EYS: variants seen among roughly 807,000 people sequenced by gnomAD.
The protein encoded by EYS is protein eyes shut homolog.
Under a neutral mutation model 282.1 loss-of-function variants are expected in EYS, and 250 were observed. The ratio of observed to expected loss-of-function variants is 0.89; its 90% confidence interval spans 0.80 to 0.98. The LOEUF (loss-of-function observed/expected upper bound fraction) is 0.98, where lower values mean the gene tolerates loss of function less well. Among genes scored for constraint, EYS ranks in the 50% least tolerant of loss-of-function variants. The pLI, the probability that EYS is intolerant of heterozygous loss-of-function variation, is 0.00. For synonymous variants in EYS, 1,355 were observed against 1,282.9 expected, an observed-to-expected ratio of 1.06 and a Z score of -1.20; for missense variants, 4,016 against 3,709.0, an observed-to-expected ratio of 1.08 and a Z score of -2.15.
chr6:63,832,126 A>T (rs1771657968), intron 36 of EYS, among the ~76,000 whole-genome samples: 1 of 152,228 alleles, frequency 6.6e-6, no homozygotes, highest in South Asian at 2.1e-4. Flanking sequence ...AAAGATCTAA[A>T]ATTGACACCC....
At chr6:64,741,763 T>G (rs1772378981) in intron 22 of EYS, among the ~76,000 whole-genome samples, 1 of 152,222 alleles carries the variant, frequency 6.6e-6, no homozygotes, top group African/African-American at 2.4e-5. Context: ...CTTCAGATTT[T>G]TCTTCTGCAG....
In EYS at chr6:63,820,707, A is replaced by G. The variant is rs959288216; in HGVS notation, c.7229-14335T>C. Among the ~76,000 whole-genome samples, 4 of 152,298 alleles carry G rather than the reference A, an allele frequency of 2.6e-5. No homozygotes were observed. In the South Asian group the frequency reaches 6.2e-4, roughly 24 times the overall value. ...TCTATTAATTAAAACCTTATCTCAC[A>G]ACTGAATAAAACAGCAATTTTGTCA... On this transcript the variant is annotated intron_variant, in intron 36 of 42. Coordinates refer to ENST00000503581, the MANE Select transcript of EYS (RefSeq NM_001142800.2).
intron 15 of EYS, among the ~76,000 whole-genome samples, chr6:64,918,644 G>A (rs1768237662): frequency 6.6e-6 from 1 of 152,130 alleles, no homozygotes; most frequent in South Asian, 2.1e-4. Flanking sequence ...TTCTGATGTA[G>A]GACAGAGAAG....
At chr6:64,008,044 C>CT (rs2149809314) in intron 33 of EYS, among the ~76,000 whole-genome samples, 1 of 152,174 alleles carries the variant, frequency 6.6e-6, no homozygotes, top group African/African-American at 2.4e-5. Context: ...CAGTTTTCTG[C>CT]TTCAGTGATC....
At chr6:65,214,216 G>C (rs1422287056) in intron 12 of EYS, among the ~76,000 whole-genome samples, 1 of 115,752 alleles carries the variant, frequency 8.6e-6, no homozygotes, top group Admixed American at 9.1e-5. Flanking sequence ...GGCTGAAAAA[G>C]TTAGGCCTCT....
intron 32 of EYS, among the ~76,000 whole-genome samples, chr6:64,075,189 C>T (rs184269285): frequency 5.3e-5 from 8 of 152,080 alleles, no homozygotes; most frequent in African/African-American, 1.9e-4. Flanking sequence ...CCAGTAGCAA[C>T]CTCAGCAGCA....
chr6:65,685,342 A>G (rs1014252088), intron 1 of EYS, among the ~76,000 whole-genome samples: 2 of 152,080 alleles, frequency 1.3e-5, no homozygotes, highest in African/African-American at 2.4e-5. Context: ...TCAAGAATCA[A>G]GTCTGTGCTG....
At chr6:64,801,780 A>G (rs931974848) in intron 22 of EYS, among the ~76,000 whole-genome samples, 1 of 152,152 alleles carries the variant, frequency 6.6e-6, no homozygotes, top group African/African-American at 2.4e-5. Context: ...CCTATGACAT[A>G]AATTGGCAAG....
intron 36 of EYS, chr6:63,821,284 C>A (rs1213974326): frequency 1.3e-5 from 2 of 151,456 alleles, no homozygotes; most frequent in African/African-American, 4.9e-5. Flanking sequence ...GAAGTTCTAG[C>A]TGAAGCACAA....
intron 14 of EYS, among the ~76,000 whole-genome samples, chr6:64,969,307 G>A (rs1225889669): frequency 6.6e-6 from 1 of 152,090 alleles, no homozygotes; most frequent in Non-Finnish European, 1.5e-5. Flanking sequence ...TACTAGCTGG[G>A]GACTGGATCA....
chr6:65,625,647 C>T (rs1320384909), intron 2 of EYS, among the ~76,000 whole-genome samples: 1 of 152,072 alleles, frequency 6.6e-6, no homozygotes, highest in Non-Finnish European at 1.5e-5. Flanking sequence ...TTTATGTTTA[C>T]TGAATAAATG....
intron 41 of EYS, among the ~76,000 whole-genome samples, chr6:63,747,393 G>A (rs1012784707): frequency 1.3e-5 from 2 of 152,154 alleles, no homozygotes; most frequent in African/African-American, 2.4e-5. Context: ...GAATAAATGC[G>A]ATGTGGTGCT....
At chr6:64,065,885 A>G (rs191288130) in intron 33 of EYS, among the ~76,000 whole-genome samples, 15 of 152,338 alleles carry the variant, frequency 9.8e-5, no homozygotes, top group African/African-American at 2.9e-4. Flanking sequence ...GCAAAAATAA[A>G]AAAGTAAACA....
intron 11 of EYS, among the ~76,000 whole-genome samples, chr6:65,314,650 G>A (rs1769253454): frequency 6.7e-6 from 1 of 149,834 alleles, no homozygotes; most frequent in Non-Finnish European, 1.5e-5. Flanking sequence ...ACACCATTAA[G>A]AGAGTTGCAG....
At chr6:63,851,928 C>T (rs191270356) in intron 36 of EYS, among the ~76,000 whole-genome samples, 24 of 152,086 alleles carry the variant, frequency 1.6e-4, no homozygotes, top group African/African-American at 5.5e-4. Context: ...GAGGCCGAGG[C>T]GGGCAGATCA....
intron 20 of EYS, among the ~76,000 whole-genome samples, chr6:64,821,966 G>T (rs1462089401): frequency 6.6e-6 from 1 of 151,998 alleles, no homozygotes; most frequent in Non-Finnish European, 1.5e-5. Flanking sequence ...AGTTTTAAAA[G>T]ATAAAAAGTA....
chr6:64,712,274 C>A (rs781021328), intron 22 of EYS, among the ~76,000 whole-genome samples: 2 of 152,154 alleles, frequency 1.3e-5, no homozygotes, highest in Non-Finnish European at 2.9e-5. Flanking sequence ...TATATACGAG[C>A]TGTAGCATAT....
At chr6:65,180,923 C>A (rs1765363654) in intron 12 of EYS, among the ~76,000 whole-genome samples, 1 of 152,120 alleles carries the variant, frequency 6.6e-6, no homozygotes, top group Admixed American at 6.6e-5. Flanking sequence ...ACCATGTGAT[C>A]TTTGACAAAC....
intron 2 of EYS, among the ~76,000 whole-genome samples, chr6:65,546,349 T>A (rs910413824): frequency 2.6e-5 from 4 of 151,732 alleles, no homozygotes; most frequent in Admixed American, 6.6e-5. Context: ...CTAGGTTTTA[T>A]ATCTGGTCAT....
Sources: allele counts gnomAD v4.1 joint callset (sites outside exome capture counted in the v4.1 genomes callset), GRCh38; gene constraint gnomAD v4.1.1; transcripts MANE v1.5; gene names NCBI Gene and HGNC (gene_info 2026-07-23, HGNC 2026-07-21).